The following CRBN variants were observed in gnomAD, a reference collection of about 807,000 sequenced individuals.
The protein encoded by CRBN is protein cereblon.
Under a neutral mutation model 62.2 loss-of-function variants are expected in CRBN, and 53 were observed. That is an observed-to-expected ratio of 0.85 (90% CI 0.68 to 1.07). CRBN has a LOEUF of 1.07. Ranked by LOEUF, CRBN falls within the 50% of genes least tolerant of loss-of-function variation. The pLI, the probability that CRBN is intolerant of heterozygous loss-of-function variation, is 0.00. For missense variants in CRBN, 616 were observed against 531.1 expected (o/e 1.16, Z -1.57); for synonymous variants, 208 against 176.1 (o/e 1.18, Z -1.43).
Position 3,150,690 on chromosome 3 carries a change from T to G in CRBN, c.*175A>C. On this transcript the variant is annotated 3_prime_UTR_variant, in exon 11 of 11. Transcript: ENST00000231948. ...CCGTTCATGCTTGTTTCCTAAAGTATACTTAAAAGTTTCAAATACAGTTTC... is the reference window on the plus strand; with the variant it reads ...CCGTTCATGCTTGTTTCCTAAAGTAGACTTAAAAGTTTCAAATACAGTTTC... 1 of 623,470 alleles carries G rather than the reference T, an allele frequency of 1.6e-6. No homozygotes were observed. The highest frequency in any genetic ancestry group is 2.7e-6 in the Non-Finnish European group (1 of 366,294). 38.6% of individuals were successfully genotyped at this position (623,470 alleles called of 1,614,324 possible). A position where few individuals can be genotyped will look rare whatever the true frequency, so the allele number is the denominator to read the frequency against.
At chr3:3,162,164 C>T (rs1295953325) in intron 5 of CRBN, among the ~76,000 whole-genome samples, 2 of 152,178 alleles carry the variant, frequency 1.3e-5, no homozygotes, top group African/African-American at 4.8e-5. Context: ...GTATCTGTTT[C>T]CCATTTGACT....
intron 4 of CRBN, among the ~76,000 whole-genome samples, chr3:3,171,028 C>T (rs1473393558): frequency 2.0e-5 from 3 of 152,168 alleles, no homozygotes; most frequent in African/African-American, 7.2e-5. Context: ...TGATCTCAAA[C>T]TCGTGAGCTC....
At chr3:3,155,008 C>T (rs1559243972) in intron 6 of CRBN, 177 bp from the exon 7 acceptor site, 1 of 615,264 alleles carries the variant, frequency 1.6e-6, no homozygotes. Flanking sequence ...AGCTCCTTTG[C>T]CCAGCACTGT....
At chr3:3,152,734 A>AGTATGAAAATGG in intron 9 of CRBN, 147 bp from the exon 10 acceptor site, 1 of 1,001,212 alleles carries the variant, frequency 1.0e-6, no homozygotes, top group South Asian at 1.4e-5. Context: ...CCAGGATCTT[A>AGTATGAAAATGG]GTATGAAAAT....
intron 1 of CRBN, 41 bp downstream of exon 1, chr3:3,179,580 C>T: frequency 6.3e-7 from 1 of 1,594,556 alleles, no homozygotes; most frequent in Admixed American, 1.7e-5. Context: ...CTCCGAGCCT[C>T]GCCCCACTCC....
In CRBN at chr3:3,150,316, A is replaced by G. The variant is rs1706426107; in HGVS notation, c.*549T>C. 1 of 152,514 alleles carries G rather than the reference A, an allele frequency of 6.6e-6. No individual in the cohort carries two copies. The highest frequency in any genetic ancestry group is 1.9e-4 in the East Asian group (1 of 5,206). 9.4% of individuals were successfully genotyped at this position (152,514 alleles called of 1,614,324 possible). ...TTTTAACTAATTTTCAAAATTTACA[A>G]ATCAGTATCTCAGAGAAGTTAAAGA... On this transcript the variant is annotated 3_prime_UTR_variant, in exon 11 of 11. Transcript: ENST00000231948.
At chr3:3,160,516 T>C (rs1707096502) in intron 5 of CRBN, among the ~76,000 whole-genome samples, 1 of 152,228 alleles carries the variant, frequency 6.6e-6, no homozygotes, top group Admixed American at 6.5e-5. Flanking sequence ...CAAGTGTACA[T>C]ACAAGATGTA....
At chr3:3,169,661 A>G (rs1438816215) in intron 4 of CRBN, among the ~76,000 whole-genome samples, 1 of 152,252 alleles carries the variant, frequency 6.6e-6, no homozygotes. Flanking sequence ...TGGTCTCTCC[A>G]GATGAAAAAT....
intron 1 of CRBN, among the ~76,000 whole-genome samples, chr3:3,177,836 T>C (rs1707888320): frequency 6.6e-6 from 1 of 152,180 alleles, no homozygotes; most frequent in African/African-American, 2.4e-5. Context: ...ATAAAGCTTT[T>C]TGTTGGAACT....
intron 4 of CRBN, among the ~76,000 whole-genome samples, chr3:3,170,746 C>A (rs747751491): frequency 1.9e-4 from 29 of 152,172 alleles, no homozygotes; most frequent in Non-Finnish European, 5.9e-5. Flanking sequence ...AATGGGTCTA[C>A]AGAATACTAG....
chr3:3,169,340 G>A lies in CRBN; in HGVS notation c.528-1547C>T, dbSNP rs369087018. ...TCTTTCCAACTTGTTTATCACAGTT[G>A]TTTTGTGATTACAGCAACATAATTT... On this transcript the variant is annotated intron_variant, in intron 4 of 10. Transcript: ENST00000231948. Among the ~76,000 whole-genome samples the A allele has an allele frequency of 2.8e-3, 427 of 152,196 alleles. 22 individuals are homozygous for A. The South Asian group carries it at 0.085, about 30-fold the overall frequency.
chr3:3,177,957 C>T (rs1002410721), intron 1 of CRBN, among the ~76,000 whole-genome samples: 1 of 151,976 alleles, frequency 6.6e-6, no homozygotes, highest in Non-Finnish European at 1.5e-5. Flanking sequence ...GCTATATCTA[C>T]ACCATCTCTG....
At chr3:3,172,650 A>G in intron 4 of CRBN, 126 bp downstream of exon 4, 1 of 981,564 alleles carries the variant, frequency 1.0e-6, no homozygotes, top group Non-Finnish European at 1.6e-6. Flanking sequence ...GCTATACCTT[A>G]GAAGGGAAAG....
At chr3:3,178,450 A>AC (rs111378544) in intron 1 of CRBN, among the ~76,000 whole-genome samples, 26,521 of 152,128 alleles carry the variant, frequency 0.17, 2,422 homozygotes, top group Admixed American at 0.2. Context: ...CACAGGAAAA[A>AC]CCCAAACCCA....
chr3:3,153,723 G>C, intron 8 of CRBN: 1 of 613,030 alleles, frequency 1.6e-6, no homozygotes, highest in South Asian at 2.0e-5. Context: ...AAGGAATAGT[G>C]ATATATAACC....
chr3:3,156,141 T>G, intron 6 of CRBN, 78 bp downstream of exon 6: 1 of 1,251,316 alleles, frequency 8.0e-7, no homozygotes, highest in Non-Finnish European at 1.2e-6. Context: ...CTGGAAAAAC[T>G]AAACCTTTGT....
chr3:3,150,596 A>AGAC lies in CRBN; in HGVS notation c.*266_*268dup. ...CATGTCCCATCAATGACATGCTACC[A>AGAC]GACATATCAGATTCCACAGGATAAT... On this transcript the variant is annotated 3_prime_UTR_variant, in exon 11 of 11. Coordinates refer to ENST00000231948, the MANE Select transcript of CRBN (RefSeq NM_016302.4). 2.7e-6 allele frequency: 1 copy of AGAC among 371,434 alleles called. No individual in the cohort carries two copies. Among genetic ancestry groups the AGAC allele is most frequent in the Non-Finnish European group, 5.1e-6 (1 of 196,316 alleles). 23.0% of individuals were successfully genotyped at this position (371,434 alleles called of 1,614,324 possible).
chr3:3,175,305 ATG>A, intron 1 of CRBN, 36 bp from the exon 2 acceptor site: 1 of 1,361,066 alleles, frequency 7.3e-7, no homozygotes, highest in Non-Finnish European at 1.0e-6. Context: ...AAAAAAAAAG[ATG>A]AATGAAAACC....
At position 3,152,470 on chromosome 3, in the gene CRBN, G is replaced by GTGTTC; in HGVS notation, c.1129_1133dup (p.His378GlnfsTer42). The GTGTTC allele has an allele frequency of 6.2e-7, 1 of 1,613,568 alleles. No individual in the cohort carries two copies. On this transcript the variant is annotated frameshift_variant, in exon 10 of 11. Coordinates refer to ENST00000231948, the MANE Select transcript of CRBN (RefSeq NM_016302.4). LOFTEE classifies it high-confidence loss of function. ...CATAATATTACCCAGGAAACCAGCT[G>GTGTTC]TGTTCTGTAGAAGGCCGGCCTATCA... is the stretch of plus-strand genomic sequence containing the variant.
Sources: allele counts gnomAD v4.1 joint callset (sites outside exome capture counted in the v4.1 genomes callset), GRCh38; gene constraint gnomAD v4.1.1; transcripts MANE v1.5; gene names NCBI Gene and HGNC (gene_info 2026-07-23, HGNC 2026-07-21).